The following TNPO1 variants were observed in gnomAD, a reference collection of about 807,000 sequenced individuals.
TNPO1 encodes transportin-1.
TNPO1 carries 8 observed loss-of-function variants against 119.5 expected under a neutral mutation model. The ratio of observed to expected loss-of-function variants is 0.07; its 90% CI spans 0.04 to 0.12. The LOEUF is 0.12. Ranked by LOEUF, TNPO1 falls within the 10% of genes least tolerant of loss-of-function variation. The pLI is 1.00. For missense variants in TNPO1, 576 were observed against 1,089.8 expected, an observed-to-expected ratio of 0.53 and a Z score of 6.64; for synonymous variants, 362 against 363.0, an observed-to-expected ratio of 1.00 and a Z score of 0.03.
rs1367556997 is a variant in TNPO1 at position 72,887,123 on chromosome 5, C to T, written c.1204C>T (p.Leu402=). Residue 402 remains leucine (L), a synonymous_variant, in exon 12 of 25, where the codon CTG becomes TTG. Transcript: ENST00000337273. Reference sequence around the variant, plus strand: ...TCTTGCAAATGTGTATCGTGATGAACTGCTGCCACATATTTTGCCCCTTTT... The same window carrying T: ...TCTTGCAAATGTGTATCGTGATGAATTGCTGCCACATATTTTGCCCCTTTT... ...DVLANVYRDE[L]LPHILPLLKE... 4 of 1,613,812 alleles carry T rather than the reference C, an allele frequency of 2.5e-6. No homozygotes were observed. Among genetic ancestry groups the T allele is most frequent in the Non-Finnish European group, 2.5e-6 (3 of 1,179,912 alleles).
chr5:72,816,799 G>A (rs1015517661), intron 1 of TNPO1, 47 bp downstream of exon 1: 2 of 1,554,580 alleles, frequency 1.3e-6, no homozygotes, highest in South Asian at 1.2e-5. Context: ...GGGCGGGAAC[G>A]GAGGCTGGGA....
At chr5:72,885,728 T>TTTTGG (rs1189111871) in intron 11 of TNPO1, among the ~76,000 whole-genome samples, 4 of 146,730 alleles carry the variant, frequency 2.7e-5, no homozygotes, top group Admixed American at 1.4e-4. Flanking sequence ...AATGGTTTTG[T>TTTTGG]TTTGGTTTGG....
chr5:72,903,732 C>G lies in TNPO1; in HGVS notation c.2538C>G (p.Ala846=), dbSNP rs752207658. 1.9e-6 allele frequency: 3 copies of G among 1,604,494 alleles called. No homozygotes were observed. The highest frequency in any genetic ancestry group is 2.6e-6 in the Non-Finnish European group (3 of 1,175,680). The change falls in exon 23 of 25, where the codon GCC becomes GCG. Residue 846 remains alanine (A), a synonymous_variant. Transcript: ENST00000337273. ...VIQDFIFFCD[A]VASWINPKDD... Reference sequence around the variant, plus strand: ...AGGATTTTATATTTTTTTGTGATGCCGTTGCATCATGGATTAACCCAAAAG... The same window carrying G: ...AGGATTTTATATTTTTTTGTGATGCGGTTGCATCATGGATTAACCCAAAAG...
intron 6 of TNPO1, among the ~76,000 whole-genome samples, chr5:72,871,456 G>T (rs1747394881): frequency 6.6e-6 from 1 of 152,108 alleles, no homozygotes; most frequent in South Asian, 2.1e-4. Context: ...TTGGCACAGT[G>T]GTTAAGACAA....
In TNPO1 at chr5:72,912,081, T is replaced by A. The variant is rs1750604592; in HGVS notation, c.*3408T>A. ...TGACTTCATACTGTGTAAAAAAAAATCACTTTTTAATATTTTTTGGTTGGT... is the reference window on the plus strand; with the variant it reads ...TGACTTCATACTGTGTAAAAAAAAAACACTTTTTAATATTTTTTGGTTGGT... On this transcript the variant is annotated 3_prime_UTR_variant, in exon 25 of 25. Transcript: ENST00000337273. The A allele has an allele frequency of 1.3e-5, 2 of 151,960 alleles. No individual in the cohort carries two copies. Among genetic ancestry groups the A allele is most frequent in the Admixed American group, 6.6e-5 (1 of 15,244 alleles). The allele number at this position is 151,960 out of a possible 1,614,324, so 9.4% of individuals were successfully genotyped here. A position where few individuals can be genotyped will look rare whatever the true frequency, so the allele number is the denominator to read the frequency against.
intron 3 of TNPO1, among the ~76,000 whole-genome samples, chr5:72,852,075 A>G (rs1745622457): frequency 6.6e-6 from 1 of 152,192 alleles, no homozygotes. Context: ...CTGCTCTTAT[A>G]TGGTCACATA....
At chr5:72,817,358 G>C (rs974452467) in intron 1 of TNPO1, among the ~76,000 whole-genome samples, 4 of 152,220 alleles carry the variant, frequency 2.6e-5, no homozygotes, top group Non-Finnish European at 5.9e-5. Flanking sequence ...GCGTGGGCTT[G>C]TGGGTTTTGC....
intron 2 of TNPO1, among the ~76,000 whole-genome samples, chr5:72,850,662 C>T (rs1745475909): frequency 6.6e-6 from 1 of 152,132 alleles, no homozygotes; most frequent in African/African-American, 2.4e-5. Flanking sequence ...AAAAATGTTG[C>T]ATCTTGGGGA....
At chr5:72,836,671 A>G (rs1040339052) in intron 1 of TNPO1, among the ~76,000 whole-genome samples, 1 of 152,172 alleles carries the variant, frequency 6.6e-6, no homozygotes, top group East Asian at 1.9e-4. Flanking sequence ...AATTTTTCAA[A>G]TCTTTAAGTT....
intron 14 of TNPO1, 81 bp from the exon 15 acceptor site, chr5:72,891,729 G>A: frequency 9.8e-7 from 1 of 1,019,304 alleles, no homozygotes; most frequent in Non-Finnish European, 1.5e-6. Flanking sequence ...GCTCAAAATG[G>A]ATTTTAATTT....
chr5:72,903,185 T>A (rs570515786), intron 22 of TNPO1, among the ~76,000 whole-genome samples: 2 of 152,306 alleles, frequency 1.3e-5, no homozygotes, highest in South Asian at 2.1e-4. Context: ...GATTGGGTAT[T>A]TGTAATTACA....
chr5:72,876,613 G>A (rs1747796371), intron 8 of TNPO1, among the ~76,000 whole-genome samples: 2 of 152,004 alleles, frequency 1.3e-5, no homozygotes, highest in South Asian at 2.1e-4. Context: ...TATATAATGA[G>A]TTCTTAATTT....
At chr5:72,872,916 T>G (rs1747511361) in intron 7 of TNPO1, among the ~76,000 whole-genome samples, 196 bp downstream of exon 7, 2 of 152,148 alleles carry the variant, frequency 1.3e-5, no homozygotes, top group Non-Finnish European at 2.9e-5. Context: ...GAGAAGGCAC[T>G]TTTACTAATT....
chr5:72,842,360 CA>C (rs1209032431), intron 1 of TNPO1, among the ~76,000 whole-genome samples: 1 of 152,186 alleles, frequency 6.6e-6, no homozygotes, highest in Non-Finnish European at 1.5e-5. Context: ...ATGGCTTTGG[CA>C]TTTACTAGCT....
chr5:72,827,489 G>A (rs1449728416), intron 1 of TNPO1, among the ~76,000 whole-genome samples: 2 of 152,148 alleles, frequency 1.3e-5, no homozygotes, highest in Non-Finnish European at 2.9e-5. Flanking sequence ...ACAGCAGAGG[G>A]GGTGAGAAGT....
chr5:72,866,149 C>T (rs1479270070), intron 6 of TNPO1, among the ~76,000 whole-genome samples: 3 of 152,154 alleles, frequency 2.0e-5, no homozygotes, highest in Non-Finnish European at 4.4e-5. Flanking sequence ...CAAATGAATC[C>T]ATCACCTAGG....
intron 8 of TNPO1, 85 bp downstream of exon 8, chr5:72,875,822 G>A (rs1474260457): frequency 3.5e-6 from 5 of 1,430,306 alleles, no homozygotes; most frequent in Non-Finnish European, 4.8e-6. Context: ...CGGATGGGAA[G>A]GGGACTATAA....
At chr5:72,843,995 T>G (rs893404801) in intron 1 of TNPO1, among the ~76,000 whole-genome samples, 2 of 152,238 alleles carry the variant, frequency 1.3e-5, no homozygotes, top group African/African-American at 4.8e-5. Flanking sequence ...CAAAATTCAC[T>G]GAGCACATGG....
intron 22 of TNPO1, among the ~76,000 whole-genome samples, chr5:72,901,688 C>T (rs1230386804): frequency 1.3e-5 from 2 of 152,120 alleles, no homozygotes; most frequent in Non-Finnish European, 2.9e-5. Flanking sequence ...TTGAATTACA[C>T]CATGTATATT....
Sources: gnomAD v4.1 joint callset for allele counts (sites outside exome capture counted in the v4.1 genomes callset) on GRCh38, gnomAD v4.1.1 for gene constraint, MANE v1.5 for transcripts, NCBI Gene and HGNC (gene_info 2026-07-23, HGNC 2026-07-21) for gene names.